The following ITGA4 variants were observed in gnomAD, a reference collection of about 807,000 sequenced individuals.
The protein encoded by ITGA4 is integrin subunit alpha 4.
ITGA4 carries 63 observed loss-of-function variants against 133.6 expected under a neutral mutation model. The observed-to-expected ratio is 0.47, with a 90% confidence interval of 0.38 to 0.58. The LOEUF (loss-of-function observed/expected upper bound fraction) is 0.58. Among genes scored for constraint, ITGA4 ranks in the 20% least tolerant of loss-of-function variants. ITGA4 has a pLI of 0.00. For synonymous variants in ITGA4, 483 were observed against 438.0 expected, an observed-to-expected ratio of 1.10 and a Z score of -1.28; for missense variants, 1,076 against 1,252.7, an observed-to-expected ratio of 0.86 and a Z score of 2.13.
intron 25 of ITGA4, among the ~76,000 whole-genome samples, chr2:181,532,571 G>A (rs1686965992): frequency 6.6e-6 from 1 of 152,118 alleles, no homozygotes; most frequent in Admixed American, 6.6e-5. Flanking sequence ...GTATACGAAT[G>A]CTTGTGACTT....
intron 2 of ITGA4, among the ~76,000 whole-genome samples, chr2:181,461,085 C>G (rs193075536): frequency 3.3e-5 from 5 of 151,442 alleles, no homozygotes; most frequent in African/African-American, 9.7e-5. Flanking sequence ...GTGGTTGATT[C>G]AGATAGACTC....
rs764919812 is a variant in ITGA4, at chr2:181,534,890, A to G, written c.2958A>G (p.Leu986=). Residue 986 remains leucine (L), a synonymous_variant, in exon 27 of 28, where the codon CTA becomes CTG. Coordinates refer to ENST00000397033, the MANE Select transcript of ITGA4 (RefSeq NM_000885.6). ...FTIVIISSSL[L]LGLIVLLLIS... ...TAGTGATTATTTCAAGTAGCTTGCT[A>G]CTTGGACTTATTGTACTTCTATTGA... is the stretch of plus-strand genomic sequence containing the variant. 6.3e-7 allele frequency: 1 copy of G among 1,597,478 alleles called. No homozygotes were observed. The highest frequency in any genetic ancestry group is 1.2e-5 in the South Asian group (1 of 86,866).
At chr2:181,512,680 GATAA>G (rs1341277382) in intron 17 of ITGA4, among the ~76,000 whole-genome samples, 8 of 152,028 alleles carry the variant, frequency 5.3e-5, no homozygotes, top group African/African-American at 1.7e-4. Context: ...AAAAAGATCA[GATAA>G]CGTAATGTCT....
At chr2:181,498,861 A>C in intron 15 of ITGA4, 84 bp downstream of exon 15, 1 of 1,463,276 alleles carries the variant, frequency 6.8e-7, no homozygotes, top group South Asian at 1.6e-5. Flanking sequence ...GTATCTTTTT[A>C]TAAAATGTAG....
Position 181,525,183 on chromosome 2 carries a change from G to T in ITGA4, c.2250-19G>T. The T allele has an allele frequency of 7.1e-7, 1 of 1,413,566 alleles. No homozygotes were observed. The highest frequency in any genetic ancestry group is 1.0e-6 in the Non-Finnish European group (1 of 998,436). 87.6% of individuals were successfully genotyped at this position (1,413,566 alleles called of 1,614,324 possible). On this transcript the variant is annotated intron_variant, in intron 20 of 27. Coordinates refer to ENST00000397033, the MANE Select transcript of ITGA4 (RefSeq NM_000885.6). ...TTTCTGCTTGGTGAATTCTAACAGG[G>T]TGTTTTCTGTTTGTATAGTGAAAAT...
In ITGA4 at chr2:181,523,197, T is replaced by C. The variant is rs1393237779; in HGVS notation, c.2074-240T>C. The C allele has an allele frequency of 9.4e-6, 3 of 318,412 alleles. No individual in the cohort carries two copies. Among genetic ancestry groups the C allele is most frequent in the Non-Finnish European group, 1.8e-5 (3 of 165,816 alleles). The allele number at this position is 318,412 out of a possible 1,614,324, so 19.7% of individuals were successfully genotyped here. On this transcript the variant is annotated intron_variant, in intron 18 of 27. Coordinates refer to ENST00000397033, the MANE Select transcript of ITGA4 (RefSeq NM_000885.6). This position sits in a 1 kb window ranked among gnomAD's most constrained non-coding sequence, Gnocchi z 4.2. ...ACACACACATACACATACACATATATATACACACACATATATACACACATA... is the reference window on the plus strand; with the variant it reads ...ACACACACATACACATACACATATACATACACACACATATATACACACATA...
chr2:181,537,837 T>TTCAAA lies in ITGA4; in HGVS notation c.*2311_*2312insCAAAT, dbSNP rs1559065010. The stretch of plus-strand genomic sequence containing the variant: ...AGAGGCTAATTGTTAGTAACATCAA[T>TTCAAA]TTCTATTAGGATATCCGTTTGGCCA... On this transcript the variant is annotated 3_prime_UTR_variant, in exon 28 of 28. Coordinates refer to ENST00000397033, the MANE Select transcript of ITGA4 (RefSeq NM_000885.6). 1.8e-5 allele frequency: 9 copies of TTCAAA among 488,652 alleles called. No individual in the cohort carries two copies. The highest frequency in any genetic ancestry group is 3.6e-5 in the Non-Finnish European group (9 of 249,926). The allele number at this position is 488,652 out of a possible 1,614,324, so 30.3% of individuals were successfully genotyped here. A position where few individuals can be genotyped will look rare whatever the true frequency, so the allele number is the denominator to read the frequency against.
chr2:181,463,947 C>T lies in ITGA4; in HGVS notation c.319+5630C>T, dbSNP rs182701227. On this transcript the variant is annotated intron_variant, in intron 2 of 27. Coordinates refer to ENST00000397033, the MANE Select transcript of ITGA4 (RefSeq NM_000885.6). ...TCTGGCTGTAACTTAAATTCTCATG[C>T]AGAGCTTTTAACAGTTCTGGTGGCC... 2.6e-5 allele frequency among the ~76,000 whole-genome samples: 4 copies of T among 152,188 alleles called. No individual in the cohort carries two copies. In the East Asian group the frequency reaches 5.8e-4, roughly 22 times the overall value.
In ITGA4 at chr2:181,538,364, A is replaced by T; in HGVS notation, c.*2837A>T. On this transcript the variant is annotated 3_prime_UTR_variant, in exon 28 of 28. Coordinates refer to ENST00000397033, the MANE Select transcript of ITGA4 (RefSeq NM_000885.6). Reference sequence around the variant, plus strand: ...TGATAACAAACACAGCATTCCCAACAGAGCTGTAATCTAGAAAACTGAGAA... The same window carrying T: ...TGATAACAAACACAGCATTCCCAACTGAGCTGTAATCTAGAAAACTGAGAA... The T allele has an allele frequency of 3.1e-6, 2 of 638,740 alleles. No homozygotes were observed. The highest frequency in any genetic ancestry group is 1.9e-5 in the South Asian group (1 of 53,628). 39.6% of individuals were successfully genotyped at this position (638,740 alleles called of 1,614,324 possible).
intron 16 of ITGA4, 92 bp downstream of exon 16, chr2:181,509,899 G>T: frequency 2.2e-6 from 2 of 897,904 alleles, no homozygotes; most frequent in Non-Finnish European, 3.4e-6. Flanking sequence ...ACTATATGTC[G>T]GAATTTTTAA....
Position 181,537,287 on chromosome 2 carries a change from T to G in ITGA4, c.*1760T>G. ...CTACTCAGAACTACTCAGAAACAAC[T>G]ATATATTTCAGGTTATCTGAGCACA... On this transcript the variant is annotated 3_prime_UTR_variant, in exon 28 of 28. Transcript: ENST00000397033. 2.2e-6 allele frequency: 1 copy of G among 453,704 alleles called. No homozygotes were observed. The highest frequency in any genetic ancestry group is 4.4e-6 in the Non-Finnish European group (1 of 226,528). 28.1% of individuals were successfully genotyped at this position (453,704 alleles called of 1,614,324 possible). A position where few individuals can be genotyped will look rare whatever the true frequency, so the allele number is the denominator to read the frequency against.
chr2:181,473,590 G>C (rs1350013105), intron 2 of ITGA4, among the ~76,000 whole-genome samples: 1 of 152,164 alleles, frequency 6.6e-6, no homozygotes, highest in Non-Finnish European at 1.5e-5. Context: ...TTTAGAAAAC[G>C]AAAGTATAAA....
chr2:181,461,631 A>G (rs1420711172), intron 2 of ITGA4, among the ~76,000 whole-genome samples: 1 of 152,230 alleles, frequency 6.6e-6, no homozygotes, highest in Non-Finnish European at 1.5e-5. Context: ...ATATTCAAAT[A>G]GAACATAATA....
In ITGA4 at chr2:181,498,694, A is replaced by G. The variant is rs1371395167; in HGVS notation, c.1612A>G (p.Asn538Asp). 1.3e-5 allele frequency: 21 copies of G among 1,612,226 alleles called. No individual in the cohort carries two copies. Among genetic ancestry groups the G allele is most frequent in the Non-Finnish European group, 1.7e-5 (20 of 1,178,662 alleles). ...ESPPRFYFSSNGTSDVITGSI... is the reference protein window; with the variant it reads ...ESPPRFYFSSDGTSDVITGSI... The stretch of plus-strand genomic sequence containing the variant: ...TCCACCAAGATTCTATTTCTCTTCT[A>G]ATGGAACTTCTGACGTGATTACAGG... Residue 538 changes from asparagine (N) to aspartate (D), a missense_variant, in exon 15 of 28, where the codon AAT becomes GAT. Around this residue, in one of 4 missense-constraint regions of ITGA4, gnomAD observed 365 missense variants for 421.4 expected, o/e 0.87. Coordinates refer to ENST00000397033, the MANE Select transcript of ITGA4 (RefSeq NM_000885.6).
Position 181,457,793 on chromosome 2 carries a change from C to G in ITGA4, c.139C>G (p.Pro47Ala), listed in dbSNP as rs201011608. The G allele has an allele frequency of 6.2e-7, 1 of 1,613,718 alleles. No individual in the cohort carries two copies. Among genetic ancestry groups the G allele is most frequent in the East Asian group, 2.2e-5 (1 of 44,854 alleles). ...DTESALLYQGPHNTLFGYSVV... is the reference protein window; with the variant it reads ...DTESALLYQGAHNTLFGYSVV... ...TGAGAGCGCGCTGCTTTACCAGGGC[C>G]CCCACAACACGCTGTTCGGCTACTC... The change falls in exon 1 of 28, where the codon CCC (proline) becomes GCC (alanine). Residue 47 changes from proline (P) to alanine (A), a missense_variant. Coordinates refer to ENST00000397033, the MANE Select transcript of ITGA4 (RefSeq NM_000885.6).
At chr2:181,460,415 A>C (rs747681624) in intron 2 of ITGA4, among the ~76,000 whole-genome samples, 1 of 152,206 alleles carries the variant, frequency 6.6e-6, no homozygotes, top group Non-Finnish European at 1.5e-5. Flanking sequence ...TAAAATAGGG[A>C]TTGAGGCTAC....
chr2:181,524,086 C>G, intron 19 of ITGA4, 85 bp from the exon 20 acceptor site: 1 of 827,306 alleles, frequency 1.2e-6, no homozygotes, highest in East Asian at 2.8e-5. Context: ...TTCCATAGAA[C>G]ATAAACTTTT....
At position 181,457,683 on chromosome 2, in the gene ITGA4, G is replaced by GC; in HGVS notation, c.34dup (p.Arg12ProfsTer28). The stretch of plus-strand genomic sequence containing the variant: ...GCTTGGGAAGCGAGGCGCGAACCCG[G>GC]CCCCCGAAGGGCCGCCGTCCGGGAG... On this transcript the variant is annotated frameshift_variant, in exon 1 of 28. Coordinates refer to ENST00000397033, the MANE Select transcript of ITGA4 (RefSeq NM_000885.6). LOFTEE classifies it high-confidence loss of function. 6.2e-7 allele frequency: 1 copy of GC among 1,611,234 alleles called. No individual in the cohort carries two copies. The highest frequency in any genetic ancestry group is 8.5e-7 in the Non-Finnish European group (1 of 1,179,428).
At chr2:181,514,109 A>G (rs1686559328) in intron 17 of ITGA4, among the ~76,000 whole-genome samples, 1 of 152,146 alleles carries the variant, frequency 6.6e-6, no homozygotes, top group Non-Finnish European at 1.5e-5. Context: ...TGAGCTAACA[A>G]GCTATGAAAA....
Sources: allele counts gnomAD v4.1 joint callset (sites outside exome capture counted in the v4.1 genomes callset), GRCh38; gene constraint gnomAD v4.1.1; regional missense constraint gnomAD v4.1.1; non-coding constraint Gnocchi (gnomAD v3.1); transcripts MANE v1.5; gene names NCBI Gene and HGNC (gene_info 2026-07-23, HGNC 2026-07-21).